Variants in ALDH1A1 observed in about 807,000 individuals in gnomAD.
ALDH1A1 encodes aldehyde dehydrogenase 1A1.
In ALDH1A1, 19 loss-of-function variants were observed where a neutral mutation model predicts 62.1. The ratio of observed to expected loss-of-function variants is 0.31; its 90% CI spans 0.21 to 0.45. ALDH1A1 has a LOEUF of 0.45. ALDH1A1 is among the 20% of genes least tolerant of loss of function. The probability of loss-of-function intolerance (pLI) is 1.00; values close to 1 mark genes in which losing one functional copy is unlikely to be tolerated. For missense variants in ALDH1A1, 521 were observed against 607.1 expected (o/e 0.86, Z 1.49); for synonymous variants, 231 against 215.9 (o/e 1.07, Z -0.61).
rs1206594849 is a variant in ALDH1A1 at position 72,940,175 on chromosome 9, C to T, written c.144G>A (p.Glu48=). 1.2e-6 allele frequency: 2 copies of T among 1,613,220 alleles called. No homozygotes were observed. Among genetic ancestry groups the T allele is most frequent in the Admixed American group, 1.7e-5 (1 of 60,004 alleles). The change falls in exon 2 of 13, where the codon GAG becomes GAA. Residue 48 remains glutamate (E), a synonymous_variant. Coordinates refer to ENST00000297785, the MANE Select transcript of ALDH1A1 (RefSeq NM_000689.5). The stretch of plus-strand genomic sequence containing the variant: ...TATCTCCTTCTTCTACCTGGCAGAG[C>T]TCCTCCTCAGTTGCAGGATTAAAGA... ...FPVFNPATEE[E]LCQVEEGDKE...
intron 7 of ALDH1A1, 95 bp from the exon 8 acceptor site, chr9:72,918,917 T>G: frequency 1.2e-6 from 1 of 844,672 alleles, no homozygotes; most frequent in Non-Finnish European, 1.8e-6. Context: ...TGTGCCACAG[T>G]AAAATTTCAT....
chr9:72,946,239 A>C (rs1033567305), intron 1 of ALDH1A1, among the ~76,000 whole-genome samples: 1 of 152,060 alleles, frequency 6.6e-6, no homozygotes, highest in African/African-American at 2.4e-5. Flanking sequence ...AAAGAATGCC[A>C]AATATAAAGC....
chr9:72,901,043 A>G lies in ALDH1A1; in HGVS notation c.*165T>C, dbSNP rs1463285389. ...AGAAGGCAAATAATTCTTTCAGAAG[A>G]AGCTACATGTCAAGTTTTCTATGGG... On this transcript the variant is annotated 3_prime_UTR_variant, in exon 13 of 13. Coordinates refer to ENST00000297785, the MANE Select transcript of ALDH1A1 (RefSeq NM_000689.5). The G allele has an allele frequency of 2.1e-6, 1 of 475,788 alleles. No individual in the cohort carries two copies. The highest frequency in any genetic ancestry group is 1.9e-5 in the African/African-American group (1 of 51,698). 29.5% of individuals were successfully genotyped at this position (475,788 alleles called of 1,614,324 possible). A position where few individuals can be genotyped will look rare whatever the true frequency, so the allele number is the denominator to read the frequency against.
chr9:72,942,928 C>T (rs576346653), intron 1 of ALDH1A1, among the ~76,000 whole-genome samples: 10 of 152,182 alleles, frequency 6.6e-5, no homozygotes, highest in African/African-American at 1.9e-4. Context: ...TACTTATGTT[C>T]TGCTTTGTGT....
intron 7 of ALDH1A1, among the ~76,000 whole-genome samples, chr9:72,922,032 T>C (rs2118525182): frequency 6.6e-6 from 1 of 152,046 alleles, no homozygotes; most frequent in South Asian, 2.1e-4. Flanking sequence ...CAGGAAGAGA[T>C]GGGGCAGAGT....
intron 2 of ALDH1A1, among the ~76,000 whole-genome samples, chr9:72,935,693 T>C (rs1564638434): frequency 6.6e-6 from 1 of 152,202 alleles, no homozygotes. Flanking sequence ...ATCTGTACTT[T>C]GCTTTGTAAC....
At position 72,952,783 on chromosome 9, in the gene ALDH1A1, A is replaced by T. The variant is rs1429164866; in HGVS notation, c.66+152T>A. On this transcript the variant is annotated intron_variant, in intron 1 of 12. Transcript: ENST00000297785. ...ATGATTTAGATCATATTTGATCAGG[A>T]CACTAAACTGAGACCTGCATTTTGC... The T allele has an allele frequency of 8.5e-6, 6 of 706,110 alleles. No individual in the cohort carries two copies. The Admixed American group carries it at 1.7e-4, about 20-fold the overall frequency. The allele number at this position is 706,110 out of a possible 1,614,324, so 43.7% of individuals were successfully genotyped here.
intron 1 of ALDH1A1, among the ~76,000 whole-genome samples, chr9:72,941,396 G>A (rs997966851): frequency 4.6e-5 from 7 of 152,022 alleles, no homozygotes; most frequent in Non-Finnish European, 8.8e-5. Flanking sequence ...GTAATAAAAT[G>A]TATATTACTA....
chr9:72,947,160 A>G (rs1284031696), intron 1 of ALDH1A1, among the ~76,000 whole-genome samples: 3 of 151,986 alleles, frequency 2.0e-5, no homozygotes, highest in East Asian at 1.9e-4. Context: ...CTCAGAGATG[A>G]GCATTCTAAA....
intron 11 of ALDH1A1, among the ~76,000 whole-genome samples, chr9:72,906,520 A>C (rs1466017147): frequency 1.3e-5 from 2 of 152,172 alleles, no homozygotes; most frequent in Non-Finnish European, 2.9e-5. Context: ...GGTTAAATAA[A>C]TTGCTTAAAC....
intron 12 of ALDH1A1, among the ~76,000 whole-genome samples, chr9:72,903,345 G>C (rs1341507868): frequency 6.6e-6 from 1 of 151,936 alleles, no homozygotes; most frequent in Non-Finnish European, 1.5e-5. Flanking sequence ...ATCAAGATTT[G>C]CATACTCTGT....
chr9:72,901,375 C>T, intron 12 of ALDH1A1, 95 bp from the exon 13 acceptor site: 1 of 822,094 alleles, frequency 1.2e-6, no homozygotes, highest in Non-Finnish European at 2.0e-6. Context: ...TCTTGTTTTA[C>T]TGGCTAGGGA....
At chr9:72,915,342 T>C (rs1171082706) in intron 9 of ALDH1A1, among the ~76,000 whole-genome samples, 1 of 152,162 alleles carries the variant, frequency 6.6e-6, no homozygotes, top group Non-Finnish European at 1.5e-5. Flanking sequence ...CAATTAGGCA[T>C]TAGGTATCTT....
chr9:72,951,690 C>T (rs1588147986), intron 1 of ALDH1A1, among the ~76,000 whole-genome samples: 2 of 151,998 alleles, frequency 1.3e-5, no homozygotes, highest in East Asian at 3.9e-4. Flanking sequence ...ATACCTTTGC[C>T]AAATGTAAAT....
intron 1 of ALDH1A1, among the ~76,000 whole-genome samples, chr9:72,942,547 T>A (rs974336961): frequency 5.3e-5 from 8 of 152,184 alleles, no homozygotes; most frequent in Admixed American, 4.6e-4. Context: ...CATCATAATC[T>A]TCCTCAGATT....
rs796416110 is a variant in ALDH1A1, at chr9:72,945,115, C to A, written c.67-4863G>T. Among the ~76,000 whole-genome samples, 45 of 152,144 alleles carry A rather than the reference C, an allele frequency of 3.0e-4. 1 individual carries two copies. The highest frequency in any genetic ancestry group is 1.1e-3 in the African/African-American group (45 of 41,536). On this transcript the variant is annotated intron_variant, in intron 1 of 12. Transcript: ENST00000297785. ...CTTTCCAGAGTAAAAGTTATTATGT[C>A]TTAATGTATTGTGTATAAATCTACA...
intron 8 of ALDH1A1, 124 bp from the exon 9 acceptor site, chr9:72,917,228 T>C (rs1830077691): frequency 1.5e-6 from 1 of 669,764 alleles, no homozygotes; most frequent in African/African-American, 1.9e-5. Context: ...GGGCTCAGTA[T>C]AGTTTACCTC....
At chr9:72,946,913 A>G (rs1354278292) in intron 1 of ALDH1A1, among the ~76,000 whole-genome samples, 1 of 151,864 alleles carries the variant, frequency 6.6e-6, no homozygotes, top group Non-Finnish European at 1.5e-5. Flanking sequence ...TCTTCAAATG[A>G]GTTATTTTTC....
At chr9:72,925,647 T>C in intron 5 of ALDH1A1, 35 bp from the exon 6 acceptor site, 1 of 1,603,702 alleles carries the variant, frequency 6.2e-7, no homozygotes, top group Non-Finnish European at 8.5e-7. Flanking sequence ...ATTCTTTGTA[T>C]TGCAAAAGGC....
Sources: allele counts gnomAD v4.1 joint callset (sites outside exome capture counted in the v4.1 genomes callset), GRCh38; gene constraint gnomAD v4.1.1; transcripts MANE v1.5; gene names NCBI Gene and HGNC (gene_info 2026-07-23, HGNC 2026-07-21).